The following SEMA3B variants were observed in gnomAD, a reference collection of about 807,000 sequenced individuals.
The protein encoded by SEMA3B is semaphorin-3B.
A neutral mutation model predicts 77.8 loss-of-function variants in SEMA3B; 71 were observed. The ratio of observed to expected loss-of-function variants is 0.91; its 90% confidence interval spans 0.75 to 1.11. SEMA3B has a LOEUF of 1.11. Ranked by LOEUF, SEMA3B falls within the 50% of genes most tolerant of loss-of-function variation. The pLI, the probability that SEMA3B is intolerant of heterozygous loss-of-function variation, is 0.00. For synonymous variants in SEMA3B, 470 were observed against 452.9 expected (o/e 1.04, Z -0.48); for missense variants, 968 against 1,056.8 (o/e 0.92, Z 1.17).
At chr3:50,272,855 A>AAATAAACAAATAATAAT (rs1553705590) in intron 6 of SEMA3B, among the ~76,000 whole-genome samples, 1 of 145,576 alleles carries the variant, frequency 6.9e-6, no homozygotes, top group African/African-American at 2.5e-5. Flanking sequence ...ATAAATAAAC[A>AAATAAACAAATAATAAT]AATAATAATA....
rs782317045 is a variant in SEMA3B at position 50,276,715 on chromosome 3, T to A, written c.*9T>A. On this transcript the variant is annotated 3_prime_UTR_variant, in exon 17 of 17. Coordinates refer to ENST00000616701, the MANE Select transcript of SEMA3B (RefSeq NM_001290060.2). This position sits in a 1 kb window ranked among gnomAD's most constrained non-coding sequence, Gnocchi z 5.8. ...GCGCAACGCACTGGTGACCAGACTGTCCCCACGCCGGGAACCAAGCAGGAG... is the reference window on the plus strand; with the variant it reads ...GCGCAACGCACTGGTGACCAGACTGACCCCACGCCGGGAACCAAGCAGGAG... The A allele has an allele frequency of 2.7e-6, 4 of 1,485,798 alleles. No homozygotes were observed. Among genetic ancestry groups the A allele is most frequent in the Non-Finnish European group, 3.5e-6 (4 of 1,127,008 alleles). The allele number at this position is 1,485,798 out of a possible 1,614,324, so 92.0% of individuals were successfully genotyped here.
chr3:50,275,143 T>C lies in SEMA3B; in HGVS notation c.1491+90T>C. 6.7e-7 allele frequency: 1 copy of C among 1,487,486 alleles called. No individual in the cohort carries two copies. Among genetic ancestry groups the C allele is most frequent in the Non-Finnish European group, 9.0e-7 (1 of 1,115,022 alleles). 92.1% of individuals were successfully genotyped at this position (1,487,486 alleles called of 1,614,324 possible). On this transcript the variant is annotated intron_variant, in intron 13 of 16. Coordinates refer to ENST00000616701, the MANE Select transcript of SEMA3B (RefSeq NM_001290060.2). This position sits in a 1 kb window ranked among gnomAD's most constrained non-coding sequence, Gnocchi z 7.5. The stretch of plus-strand genomic sequence containing the variant: ...TCTGGCCCCTTTTGGTAGTTTGCAG[T>C]CCCGGGTTTGAGTACAGGCTCTGGC...
At chr3:50,266,823 TG>T (rs1490914438), upstream of SEMA3B, 2 of 152,232 alleles carry the variant, frequency 1.3e-5, no homozygotes, top group Non-Finnish European at 2.9e-5. Context: ...AGCTCCGTCC[TG>T]TCTGTAAAAC....
intron 5 of SEMA3B, 28 bp downstream of exon 5, chr3:50,271,209 G>T (rs1165645034): frequency 6.4e-7 from 1 of 1,552,670 alleles, no homozygotes; most frequent in Admixed American, 2.0e-5. Context: ...GGCCCCAAGA[G>T]AACCCCTTAG....
rs1458702360 is a variant in SEMA3B, at chr3:50,276,556, A to G, written c.2100A>G (p.Gly700=). 6.5e-7 allele frequency: 1 copy of G among 1,539,204 alleles called. No homozygotes were observed. The highest frequency in any genetic ancestry group is 8.7e-7 in the Non-Finnish European group (1 of 1,147,352). ...RDFLQLVEPG[G]GGSANSLRMC... ...TTCTGCAGCTGGTGGAGCCGGGCGGAGGTGGCAGCGCGAACTCCCTGCGCA... is the reference window on the plus strand; with the variant it reads ...TTCTGCAGCTGGTGGAGCCGGGCGGGGGTGGCAGCGCGAACTCCCTGCGCA... The change falls in exon 17 of 17, where the codon GGA becomes GGG. Residue 700 remains glycine (G), a synonymous_variant. Transcript: ENST00000616701. The surrounding 1 kb of genome is among the most constrained non-coding windows in gnomAD (Gnocchi z 5.8).
At position 50,276,711 on chromosome 3, in the gene SEMA3B, A is replaced by G. The variant is rs907347891; in HGVS notation, c.*5A>G. ...CGCAGCGCAACGCACTGGTGACCAG[A>G]CTGTCCCCACGCCGGGAACCAAGCA... is the stretch of plus-strand genomic sequence containing the variant. On this transcript the variant is annotated 3_prime_UTR_variant, in exon 17 of 17. Transcript: ENST00000616701. The surrounding 1 kb of genome is among the most constrained non-coding windows in gnomAD (Gnocchi z 5.8). The G allele has an allele frequency of 1.3e-6, 2 of 1,497,602 alleles. No homozygotes were observed. The highest frequency in any genetic ancestry group is 3.6e-4 in the Middle Eastern group (2 of 5,606). 92.8% of individuals were successfully genotyped at this position (1,497,602 alleles called of 1,614,324 possible).
At position 50,274,483 on chromosome 3, in the gene SEMA3B, CT is replaced by C; in HGVS notation, c.1262del (p.Phe421SerfsTer38). ...TGTCCTGCCCACTGGGGGGCGCCCT[CT>C]TTTCCTACAAGTTGGAGCCAATTAC... is the stretch of plus-strand genomic sequence containing the variant. ...NSVLPTGGRPLFLQVGANYTF... is the reference protein window; with the variant it reads ...NSVLPTGGRPXFLQVGANYTF... On this transcript the variant is annotated frameshift_variant, in exon 11 of 17. Coordinates refer to ENST00000616701, the MANE Select transcript of SEMA3B (RefSeq NM_001290060.2). LOFTEE classifies it high-confidence loss of function. This position sits in a 1 kb window ranked among gnomAD's most constrained non-coding sequence, Gnocchi z 4.7. 1 of 1,554,306 alleles carries C rather than the reference CT, an allele frequency of 6.4e-7. No individual in the cohort carries two copies. The highest frequency in any genetic ancestry group is 8.7e-7 in the Non-Finnish European group (1 of 1,153,100).
Position 50,275,773 on chromosome 3 carries a change from T to G in SEMA3B, c.1774T>G (p.Cys592Gly), listed in dbSNP as rs1379345778. 16 of 1,612,552 alleles carry G rather than the reference T, an allele frequency of 9.9e-6. No homozygotes were observed. The highest frequency in any genetic ancestry group is 1.4e-5 in the Non-Finnish European group (16 of 1,179,764). The change falls in exon 16 of 17, where the codon TGT becomes GGT. Residue 592 changes from cysteine (C) to glycine (G), a missense_variant. Transcript: ENST00000616701. The surrounding 1 kb of genome is among the most constrained non-coding windows in gnomAD (Gnocchi z 7.5). ...GGAGGGCAGCAGCGCCTTTCTGGAGTGTGAGCCCCGCTCGCTGCAGGCGCG... is the reference window on the plus strand; with the variant it reads ...GGAGGGCAGCAGCGCCTTTCTGGAGGGTGAGCCCCGCTCGCTGCAGGCGCG... The part of the protein sequence containing the change: ...GVEGSSAFLE[C>G]EPRSLQARVE...
rs1368693209 is a variant in SEMA3B at position 50,270,245 on chromosome 3, C to G, written c.228C>G (p.Ala76=). 1.2e-6 allele frequency: 2 copies of G among 1,613,026 alleles called. No individual in the cohort carries two copies. Among genetic ancestry groups the G allele is most frequent in the Non-Finnish European group, 1.7e-6 (2 of 1,179,676 alleles). The part of the protein sequence containing the change: ...RLFVGAENHV[A]SLNLDNISKR... ...TTGTGGGTGCCGAGAACCATGTGGC[C>G]TCCCTCAACCTGGACAACATCAGCA... is the stretch of plus-strand genomic sequence containing the variant. The change falls in exon 2 of 17, where the codon GCC becomes GCG. Residue 76 remains alanine (A), a synonymous_variant. Transcript: ENST00000616701. The surrounding 1 kb of genome is among the most constrained non-coding windows in gnomAD (Gnocchi z 4.7).
At chr3:50,267,120 G>A (rs1700912877), upstream of SEMA3B, among the ~76,000 whole-genome samples, 1 of 152,180 alleles carries the variant, frequency 6.6e-6, no homozygotes, top group Non-Finnish European at 1.5e-5. The surrounding 1 kb of genome is among the most constrained non-coding windows in gnomAD (Gnocchi z 5.7). Flanking sequence ...GTACTAAGTG[G>A]CCCAAGTGTT....
In SEMA3B at chr3:50,275,814, C is replaced by G; in HGVS notation, c.1815C>G (p.Phe605Leu). The G allele has an allele frequency of 1.9e-6, 3 of 1,609,640 alleles. No individual in the cohort carries two copies. Among genetic ancestry groups the G allele is most frequent in the Non-Finnish European group, 1.7e-6 (2 of 1,179,348 alleles). The change falls in exon 16 of 17, where the codon TTC (phenylalanine) becomes TTG (leucine). Residue 605 changes from phenylalanine to leucine, a missense_variant. Phe to Leu is a conservative substitution (Grantham distance 22). Transcript: ENST00000616701. The surrounding 1 kb of genome is among the most constrained non-coding windows in gnomAD (Gnocchi z 7.5). ...RSLQARVEWT[F>L]QRAGVTAHTQ... is the part of the protein sequence containing the mutation. Reference sequence around the variant, plus strand: ...TGCAGGCGCGCGTGGAGTGGACTTTCCAGCGCGCAGGGGTGACAGCCCACA... The same window carrying G: ...TGCAGGCGCGCGTGGAGTGGACTTTGCAGCGCGCAGGGGTGACAGCCCACA...
chr3:50,265,753 A>G (rs916710913), upstream of SEMA3B, among the ~76,000 whole-genome samples: 86 of 152,142 alleles, frequency 5.7e-4, no homozygotes, highest in African/African-American at 1.9e-3. Flanking sequence ...AGTGTGACCC[A>G]CAGGCAGTGA....
Position 50,275,004 on chromosome 3 carries a change from C to T in SEMA3B, c.1450-8C>T, listed in dbSNP as rs781849826. 2.1e-5 allele frequency: 33 copies of T among 1,595,366 alleles called. No individual in the cohort carries two copies. The East Asian group carries it at 7.0e-4, about 34-fold the overall frequency. On this transcript the variant is annotated splice_polypyrimidine_tract_variant and splice_region_variant and intron_variant, in intron 12 of 16. Transcript: ENST00000616701. The surrounding 1 kb of genome is among the most constrained non-coding windows in gnomAD (Gnocchi z 7.5). ...AGCCCTGACCCCGTCGCCCCTCCTC[C>T]CTCTCAGGACTCGGCCGCTGTCACC...
At position 50,274,604 on chromosome 3, in the gene SEMA3B, C is replaced by T; in HGVS notation, c.1357+22C>T. The stretch of plus-strand genomic sequence containing the variant: ...ACAGGTCAGGGTCCCTCCACAGCGA[C>T]CCCCAGGCTCCCAGCCAGGCCCTGT... On this transcript the variant is annotated intron_variant, in intron 11 of 16. Coordinates refer to ENST00000616701, the MANE Select transcript of SEMA3B (RefSeq NM_001290060.2). This position sits in a 1 kb window ranked among gnomAD's most constrained non-coding sequence, Gnocchi z 4.7. 1 of 1,514,428 alleles carries T rather than the reference C, an allele frequency of 6.6e-7. No individual in the cohort carries two copies. Among genetic ancestry groups the T allele is most frequent in the South Asian group, 1.3e-5 (1 of 75,150 alleles). The allele number at this position is 1,514,428 out of a possible 1,614,324, so 93.8% of individuals were successfully genotyped here.
chr3:50,273,726 G>C lies in SEMA3B; in HGVS notation c.923-33G>C, dbSNP rs1701125691. ...GGAGCCCCCGCCGCAGCGGGGCTGT[G>C]CGCCCTACCCCAGCTAGGCCCCTTC... On this transcript the variant is annotated intron_variant, in intron 8 of 16. Transcript: ENST00000616701. The surrounding 1 kb of genome is among the most constrained non-coding windows in gnomAD (Gnocchi z 6.5). The C allele has an allele frequency of 6.2e-7, 1 of 1,604,788 alleles. No individual in the cohort carries two copies. The highest frequency in any genetic ancestry group is 8.5e-7 in the Non-Finnish European group (1 of 1,178,872).
Position 50,273,052 on chromosome 3 carries a change from A to C in SEMA3B, c.665-246A>C, listed in dbSNP as rs192709928. 2.2e-3 allele frequency: 1,124 copies of C among 515,618 alleles called. 13 individuals are homozygous for C. The highest frequency in any genetic ancestry group is 0.02 in the African/African-American group (1,018 of 51,180). The allele number at this position is 515,618 out of a possible 1,614,324, so 31.9% of individuals were successfully genotyped here. A position where few individuals can be genotyped will look rare whatever the true frequency, so the allele number is the denominator to read the frequency against. On this transcript the variant is annotated intron_variant, in intron 6 of 16. Transcript: ENST00000616701. This position sits in a 1 kb window ranked among gnomAD's most constrained non-coding sequence, Gnocchi z 6.5. ...CGAGATCGGAGGCTAGCCGGGCTTC[A>C]CGCCTGCGCCCCCAGGTAGCCACGG...
In SEMA3B at chr3:50,276,507, G is replaced by T; in HGVS notation, c.2051G>T (p.Gly684Val). Reference protein sequence around the residue: ...AEEAAPAAPPGPKLWYRDFLQ... With the variant: ...AEEAAPAAPPVPKLWYRDFLQ... ...GAGGCTGCGCCCGCCGCGCCGCCGGGCCCCAAACTCTGGTACCGGGACTTT... is the reference window on the plus strand; with the variant it reads ...GAGGCTGCGCCCGCCGCGCCGCCGGTCCCCAAACTCTGGTACCGGGACTTT... Residue 684 changes from glycine to valine, a missense_variant, in exon 17 of 17, where the codon GGC becomes GTC. By Grantham distance (109) the Gly-to-Val change is moderately radical. Coordinates refer to ENST00000616701, the MANE Select transcript of SEMA3B (RefSeq NM_001290060.2). The surrounding 1 kb of genome is among the most constrained non-coding windows in gnomAD (Gnocchi z 5.8). 1 of 1,532,690 alleles carries T rather than the reference G, an allele frequency of 6.5e-7. No individual in the cohort carries two copies. The highest frequency in any genetic ancestry group is 8.7e-7 in the Non-Finnish European group (1 of 1,144,266). The allele number at this position is 1,532,690 out of a possible 1,614,324, so 94.9% of individuals were successfully genotyped here.
Position 50,270,653 on chromosome 3 carries a change from G to A in SEMA3B, c.330+158G>A, listed in dbSNP as rs1465284017. On this transcript the variant is annotated intron_variant, in intron 3 of 16. Coordinates refer to ENST00000616701, the MANE Select transcript of SEMA3B (RefSeq NM_001290060.2). The surrounding 1 kb of genome is among the most constrained non-coding windows in gnomAD (Gnocchi z 4.7). ...GGGTGGTGAGTCAGGGTGGGGGCTC[G>A]TGTAATTCTTCTGGGGTGCCTCTGA... The A allele has an allele frequency of 8.3e-5, 96 of 1,152,298 alleles. No homozygotes were observed. The South Asian group carries it at 1.2e-3, about 14-fold the overall frequency. The allele number at this position is 1,152,298 out of a possible 1,614,324, so 71.4% of individuals were successfully genotyped here.
At position 50,269,933 on chromosome 3, in the gene SEMA3B, C is replaced by A. The variant is rs587723849; in HGVS notation, c.110-194C>A. ...CCTTCCTCTTCCTGGGGGGATGTAC[C>A]ACCTACCCTGGCAGCTCCACACGTG... On this transcript the variant is annotated intron_variant, in intron 1 of 16. Coordinates refer to ENST00000616701, the MANE Select transcript of SEMA3B (RefSeq NM_001290060.2). This position sits in a 1 kb window ranked among gnomAD's most constrained non-coding sequence, Gnocchi z 4.0. Among the ~76,000 whole-genome samples, 8 of 152,278 alleles carry A rather than the reference C, an allele frequency of 5.3e-5. No individual in the cohort carries two copies. The South Asian group carries it at 1.7e-3, about 32-fold the overall frequency.
Sources: allele counts gnomAD v4.1 joint callset (sites outside exome capture counted in the v4.1 genomes callset), GRCh38; gene constraint gnomAD v4.1.1; non-coding constraint Gnocchi (gnomAD v3.1); transcripts MANE v1.5; gene names NCBI Gene and HGNC (gene_info 2026-07-23, HGNC 2026-07-21).